HADHB: variants seen among roughly 807,000 people sequenced by gnomAD.
HADHB encodes the protein trifunctional enzyme subunit beta, mitochondrial.
In HADHB, 50 loss-of-function variants were observed where a neutral mutation model predicts 61.9. The ratio of observed to expected loss-of-function variants is 0.81; its 90% CI spans 0.64 to 1.02. HADHB has a LOEUF of 1.02. HADHB is among the 50% of genes least tolerant of loss of function. The pLI, the probability that HADHB is intolerant of heterozygous loss-of-function variation, is 0.00. For synonymous variants in HADHB, 191 were observed against 201.6 expected, an observed-to-expected ratio of 0.95 and a Z score of 0.45; for missense variants, 504 against 586.5, an observed-to-expected ratio of 0.86 and a Z score of 1.45.
intron 3 of HADHB, among the ~76,000 whole-genome samples, chr2:26,259,861 A>T (rs760051637): frequency 2.6e-5 from 4 of 152,170 alleles, no homozygotes; most frequent in Admixed American, 2.6e-4. Flanking sequence ...TCGATGGGCA[A>T]AAAAGGGGCC....
chr2:26,253,294 TTGA>T (rs1333974470), intron 1 of HADHB, among the ~76,000 whole-genome samples: 1 of 144,960 alleles, frequency 6.9e-6, no homozygotes, highest in Non-Finnish European at 1.5e-5. Flanking sequence ...GTATCAAACT[TTGA>T]AAAAGTTGCA....
intron 4 of HADHB, among the ~76,000 whole-genome samples, chr2:26,265,548 A>C (rs941153489): frequency 2.0e-5 from 3 of 152,132 alleles, no homozygotes; most frequent in African/African-American, 7.2e-5. Context: ...ATGAGCTGAG[A>C]TTGTGCCACT....
rs1032327922 is a variant in HADHB, at chr2:26,284,823, A to G, written c.1150-60A>G. 7.8e-6 allele frequency: 7 copies of G among 898,184 alleles called. No individual in the cohort carries two copies. The East Asian group carries it at 1.2e-4, about 15-fold the overall frequency. The allele number at this position is 898,184 out of a possible 1,614,324, so 55.6% of individuals were successfully genotyped here. A position where few individuals can be genotyped will look rare whatever the true frequency, so the allele number is the denominator to read the frequency against. The stretch of plus-strand genomic sequence containing the variant: ...TGTTAAACTTTCACAAACCATTCCT[A>G]TAAGAAAGCGTAGAGGAACATGAAT... On this transcript the variant is annotated intron_variant, in intron 13 of 15. Coordinates refer to ENST00000317799, the MANE Select transcript of HADHB (RefSeq NM_000183.3).
chr2:26,261,402 G>A (rs1020978516), intron 3 of HADHB: 1 of 195,528 alleles, frequency 5.1e-6, no homozygotes, highest in Non-Finnish European at 1.1e-5. Flanking sequence ...CTCTTCAGAG[G>A]TTTTGCTTTG....
chr2:26,284,609 G>A (rs981220900), intron 13 of HADHB, among the ~76,000 whole-genome samples: 10 of 151,638 alleles, frequency 6.6e-5, no homozygotes, highest in Non-Finnish European at 1.5e-4. Context: ...ACAAGCAGGC[G>A]CCTGCCACCA....
intron 5 of HADHB, among the ~76,000 whole-genome samples, chr2:26,272,056 T>C (rs1211712417): frequency 6.6e-6 from 1 of 152,144 alleles, no homozygotes; most frequent in African/African-American, 2.4e-5. Flanking sequence ...TTTCTAACCC[T>C]CTTTTTAGTT....
At chr2:26,256,170 C>T (rs570723701) in intron 3 of HADHB, among the ~76,000 whole-genome samples, 15 of 152,108 alleles carry the variant, frequency 9.9e-5, no homozygotes, top group African/African-American at 1.7e-4. Flanking sequence ...CTTGCATTAA[C>T]GCTGATGATG....
chr2:26,286,304 C>CT (rs1213609636), intron 15 of HADHB, among the ~76,000 whole-genome samples: 1 of 152,042 alleles, frequency 6.6e-6, no homozygotes, highest in Non-Finnish European at 1.5e-5. Context: ...AAGAGAGAAA[C>CT]TATCTTTCTA....
At position 26,284,868 on chromosome 2, in the gene HADHB, T is replaced by A. The variant is rs1295788299; in HGVS notation, c.1150-15T>A. 1.4e-6 allele frequency: 2 copies of A among 1,406,342 alleles called. No homozygotes were observed. Among genetic ancestry groups the A allele is most frequent in the South Asian group, 2.3e-5 (2 of 86,796 alleles). The allele number at this position is 1,406,342 out of a possible 1,614,324, so 87.1% of individuals were successfully genotyped here. On this transcript the variant is annotated splice_polypyrimidine_tract_variant and intron_variant, in intron 13 of 15. Transcript: ENST00000317799. ...ATGAATAACGAGGTTCTTATTCGAT[T>A]ATTTTCTCTTCCAGGGTCAGATTTT...
intron 3 of HADHB, among the ~76,000 whole-genome samples, chr2:26,256,499 G>C (rs1016425318): frequency 1.4e-5 from 2 of 145,214 alleles, no homozygotes; most frequent in African/African-American, 5.1e-5. Flanking sequence ...TGATGGTTAT[G>C]TCTATGTATA....
intron 5 of HADHB, among the ~76,000 whole-genome samples, chr2:26,271,210 T>TAA (rs1276623856): frequency 3.6e-5 from 5 of 140,574 alleles, no homozygotes; most frequent in Admixed American, 7.1e-5. Flanking sequence ...TTCTCTAGCT[T>TAA]AAAAAAAAAA....
At chr2:26,266,945 A>G (rs2147813462) in intron 4 of HADHB, among the ~76,000 whole-genome samples, 1 of 150,874 alleles carries the variant, frequency 6.6e-6, no homozygotes, top group East Asian at 1.9e-4. Flanking sequence ...AAATTGACAC[A>G]TGACTTTTCC....
intron 4 of HADHB, among the ~76,000 whole-genome samples, 167 bp from the exon 5 acceptor site, chr2:26,269,786 G>A (rs1161759938): frequency 2.6e-5 from 4 of 152,128 alleles, no homozygotes; most frequent in Admixed American, 6.6e-5. Context: ...GACAAATAGC[G>A]AAGTCACACT....
chr2:26,250,193 G>A (rs1671345024), intron 1 of HADHB, among the ~76,000 whole-genome samples: 1 of 151,992 alleles, frequency 6.6e-6, no homozygotes, highest in African/African-American at 2.4e-5. Flanking sequence ...TATTAGAGAT[G>A]GGCTTTCTCT....
At chr2:26,261,692 T>C (rs992190098) in intron 3 of HADHB, 1 of 152,214 alleles carries the variant, frequency 6.6e-6, no homozygotes, top group Admixed American at 6.5e-5. Flanking sequence ...GGAGAATTGC[T>C]TGAACCTGGG....
intron 1 of HADHB, among the ~76,000 whole-genome samples, chr2:26,246,347 CTT>C (rs35129524): frequency 3.5e-5 from 5 of 144,130 alleles, no homozygotes; most frequent in Non-Finnish European, 4.6e-5. Flanking sequence ...TTGTTTACAA[CTT>C]TTTTTTTTTT....
chr2:26,284,174 T>C lies in HADHB; in HGVS notation c.1119T>C (p.Ile373=), dbSNP rs77943157. The C allele has an allele frequency of 9.9e-5, 157 of 1,589,050 alleles. No homozygotes were observed. The Middle Eastern group carries it at 1.8e-3, about 19-fold the overall frequency. The part of the protein sequence containing the change: ...LEKAGLTMND[I]DAFEFHEAFS... Reference sequence around the variant, plus strand: ...AGGCAGGATTGACCATGAATGATATTGATGCTTTTGAATTTCATGAAGCTT... The same window carrying C: ...AGGCAGGATTGACCATGAATGATATCGATGCTTTTGAATTTCATGAAGCTT... The change falls in exon 13 of 16, where the codon ATT becomes ATC. Residue 373 remains isoleucine, a synonymous_variant. Transcript: ENST00000317799.
At chr2:26,289,803 G>T in intron 15 of HADHB, 115 bp from the exon 16 acceptor site, 1 of 798,610 alleles carries the variant, frequency 1.3e-6, no homozygotes, top group South Asian at 1.3e-5. Context: ...TGATTGATTG[G>T]CAGAGCCAGG....
In HADHB at chr2:26,289,729, A is replaced by G. The variant is rs192870481; in HGVS notation, c.1390-189A>G. 7.7e-4 allele frequency among the ~76,000 whole-genome samples: 118 copies of G among 152,320 alleles called. 1 individual carries two copies. In the Middle Eastern group the frequency reaches 0.01, roughly 13 times the overall value. ...ACAAAAACTCTATGAAGTAGACACTATGAGCCCCATTTTGTAGAGGAAATT... is the reference window on the plus strand; with the variant it reads ...ACAAAAACTCTATGAAGTAGACACTGTGAGCCCCATTTTGTAGAGGAAATT... On this transcript the variant is annotated intron_variant, in intron 15 of 15. Transcript: ENST00000317799.
Sources: allele counts gnomAD v4.1 joint callset (sites outside exome capture counted in the v4.1 genomes callset), GRCh38; gene constraint gnomAD v4.1.1; transcripts MANE v1.5; gene names NCBI Gene and HGNC (gene_info 2026-07-23, HGNC 2026-07-21).